ASAP2: variants seen among roughly 807,000 people sequenced by gnomAD.
ASAP2 encodes arf-GAP with SH3 domain, ANK repeat and PH domain-containing protein 2.
ASAP2 carries 45 observed loss-of-function variants against 131.4 expected under a neutral mutation model. That is an observed-to-expected ratio of 0.34 (90% CI 0.27 to 0.44). The LOEUF (loss-of-function observed/expected upper bound fraction) is 0.44. Ranked by LOEUF, ASAP2 falls within the 20% of genes least tolerant of loss-of-function variation. The pLI is 1.00. For missense variants in ASAP2, 1,011 were observed against 1,297.0 expected, an observed-to-expected ratio of 0.78 and a Z score of 3.39; for synonymous variants, 510 against 503.0, an observed-to-expected ratio of 1.01 and a Z score of -0.19.
chr2:9,342,066 A>G (rs887897941), intron 9 of ASAP2, among the ~76,000 whole-genome samples: 2 of 152,014 alleles, frequency 1.3e-5, no homozygotes, highest in African/African-American at 4.8e-5. Flanking sequence ...TGGAAGACTT[A>G]TTGTGAAGAT....
chr2:9,374,971 A>C, intron 17 of ASAP2, 27 bp downstream of exon 17: 2 of 171,998 alleles, frequency 1.2e-5, no homozygotes, highest in Admixed American at 1.5e-4. Flanking sequence ...TTGCTACTTT[A>C]AAAAAAAAAA....
intron 24 of ASAP2, among the ~76,000 whole-genome samples, chr2:9,394,060 T>G (rs954217064): frequency 3.9e-5 from 6 of 152,076 alleles, no homozygotes; most frequent in Admixed American, 6.5e-5. Context: ...ATCAGGAAAT[T>G]AACACGGATG....
chr2:9,356,024 T>A (rs764437665), intron 12 of ASAP2, 23 bp from the exon 13 acceptor site: 2 of 1,613,858 alleles, frequency 1.2e-6, no homozygotes, highest in Non-Finnish European at 1.7e-6. Context: ...GGGCTCACAG[T>A]TGAAATTCCT....
chr2:9,329,270 A>G (rs1413010745), intron 7 of ASAP2, among the ~76,000 whole-genome samples: 1 of 152,238 alleles, frequency 6.6e-6, no homozygotes, highest in Non-Finnish European at 1.5e-5. Flanking sequence ...GACATCTTGC[A>G]AAAGTTTTTA....
chr2:9,211,091 G>A (rs958438753), intron 1 of ASAP2, among the ~76,000 whole-genome samples: 14 of 151,758 alleles, frequency 9.2e-5, no homozygotes, highest in Admixed American at 3.9e-4. Flanking sequence ...AGAGGTAGAG[G>A]TTGCGGTGAG....
In ASAP2 at chr2:9,388,426, C is replaced by T. The variant is rs1221436985; in HGVS notation, c.2263C>T (p.Pro755Ser). ...CAAGGAGAAGCAGAGGGCTTTCATG[C>T]CCAGCATCTTGCAGAATGAGACTTA... ...LAKEKQRAFM[P>S]SILQNETYGA... Residue 755 changes from proline (P) to serine (S), a missense_variant, in exon 22 of 28, where the codon CCC (proline) becomes TCC (serine). Coordinates refer to ENST00000281419, the MANE Select transcript of ASAP2 (RefSeq NM_003887.3). The T allele has an allele frequency of 6.2e-7, 1 of 1,614,134 alleles. No individual in the cohort carries two copies. Among genetic ancestry groups the T allele is most frequent in the Non-Finnish European group, 8.5e-7 (1 of 1,180,024 alleles).
At chr2:9,252,489 G>A (rs182607963) in intron 1 of ASAP2, among the ~76,000 whole-genome samples, 2 of 152,050 alleles carry the variant, frequency 1.3e-5, no homozygotes, top group Non-Finnish European at 2.9e-5. Flanking sequence ...CAGGAGAATC[G>A]CTTAAACCCA....
At chr2:9,265,548 T>A (rs1230947101) in intron 1 of ASAP2, among the ~76,000 whole-genome samples, 1 of 152,256 alleles carries the variant, frequency 6.6e-6, no homozygotes. Flanking sequence ...AATGTATTCA[T>A]GTTAATGATA....
intron 9 of ASAP2, among the ~76,000 whole-genome samples, chr2:9,338,079 A>G (rs1360720817): frequency 6.6e-6 from 1 of 152,134 alleles, no homozygotes; most frequent in African/African-American, 2.4e-5. Context: ...CACGTCGTCC[A>G]TCCGATGGTG....
chr2:9,264,176 G>GT (rs1467509276), intron 1 of ASAP2, among the ~76,000 whole-genome samples: 3 of 142,846 alleles, frequency 2.1e-5, no homozygotes, highest in Non-Finnish European at 4.5e-5. Flanking sequence ...TGGGCAGTGA[G>GT]TGAGACCCTG....
At chr2:9,362,461 G>T (rs1199003644) in intron 15 of ASAP2, among the ~76,000 whole-genome samples, 1 of 152,060 alleles carries the variant, frequency 6.6e-6, no homozygotes, top group East Asian at 1.9e-4. Flanking sequence ...TTAGTATGTT[G>T]TATACATTGG....
At chr2:9,212,905 G>A (rs553561614) in intron 1 of ASAP2, among the ~76,000 whole-genome samples, 1 of 152,328 alleles carries the variant, frequency 6.6e-6, no homozygotes, top group East Asian at 1.9e-4. Flanking sequence ...GTTCGAGACG[G>A]AACCCCGGCT....
At chr2:9,219,635 C>T (rs1437202022) in intron 1 of ASAP2, among the ~76,000 whole-genome samples, 1 of 152,156 alleles carries the variant, frequency 6.6e-6, no homozygotes, top group African/African-American at 2.4e-5. Context: ...AAAAACCTTT[C>T]TATAGCATCC....
At chr2:9,272,242 A>G (rs1487886847) in intron 1 of ASAP2, among the ~76,000 whole-genome samples, 6 of 152,192 alleles carry the variant, frequency 3.9e-5, no homozygotes, top group Non-Finnish European at 7.3e-5. Context: ...CCTTTTGCCT[A>G]TAAACCATTT....
rs1262431915 is a variant in ASAP2 at position 9,292,030 on chromosome 2, TC to T, written c.200-5268del. Reference sequence around the variant, plus strand: ...AGAGTCAGGAAACCCGAGTTCTTGTTCCAGCTCTGCTGCAAACTCACTGTGT... The same window carrying T: ...AGAGTCAGGAAACCCGAGTTCTTGTTCAGCTCTGCTGCAAACTCACTGTGT... On this transcript the variant is annotated intron_variant, in intron 2 of 27. Coordinates refer to ENST00000281419, the MANE Select transcript of ASAP2 (RefSeq NM_003887.3). Among the ~76,000 whole-genome samples the T allele has an allele frequency of 2.6e-5, 4 of 152,250 alleles. No homozygotes were observed. In the East Asian group the frequency reaches 7.7e-4, roughly 29 times the overall value.
At chr2:9,350,524 C>T in intron 11 of ASAP2, 1 of 314,918 alleles carries the variant, frequency 3.2e-6, no homozygotes, top group Non-Finnish European at 5.8e-6. Context: ...AAGGCACCCA[C>T]TGCCAGCAGC....
chr2:9,314,723 C>A (rs1417882039), intron 3 of ASAP2, among the ~76,000 whole-genome samples: 1 of 151,936 alleles, frequency 6.6e-6, no homozygotes, highest in African/African-American at 2.4e-5. Flanking sequence ...CACTTGAGGT[C>A]AGGAGTTTGA....
intron 3 of ASAP2, among the ~76,000 whole-genome samples, chr2:9,318,000 A>C (rs1005066088): frequency 4.6e-5 from 7 of 151,842 alleles, no homozygotes; most frequent in African/African-American, 1.5e-4. Context: ...TCCCCAACAC[A>C]CACACGTCTT....
At chr2:9,401,535 C>T in intron 27 of ASAP2, 139 bp downstream of exon 27, 2 of 1,166,500 alleles carry the variant, frequency 1.7e-6, no homozygotes, top group South Asian at 1.6e-5. Flanking sequence ...CGCCCCTTAG[C>T]ATCCTCAGGA....
Sources: allele counts gnomAD v4.1 joint callset (sites outside exome capture counted in the v4.1 genomes callset), GRCh38; gene constraint gnomAD v4.1.1; transcripts MANE v1.5; gene names NCBI Gene and HGNC (gene_info 2026-07-23, HGNC 2026-07-21).